The following SH3RF3 variants were observed in gnomAD, a reference collection of about 807,000 sequenced individuals.
SH3RF3 encodes the protein SH3 domain containing ring finger 3, also known as E3 ubiquitin-protein ligase SH3RF3.
A neutral mutation model predicts 66.3 loss-of-function variants in SH3RF3; 29 were observed. The observed-to-expected ratio is 0.44, with a 90% confidence interval of 0.33 to 0.60. The LOEUF (loss-of-function observed/expected upper bound fraction) is 0.60. SH3RF3 is among the 20% of genes least tolerant of loss of function. SH3RF3 has a pLI of 0.04. For missense variants in SH3RF3, 1,194 were observed against 1,190.9 expected (o/e 1.00, Z -0.04); for synonymous variants, 583 against 532.0 (o/e 1.10, Z -1.32).
chr2:109,194,155 C>T (rs1352285123), intron 1 of SH3RF3, among the ~76,000 whole-genome samples: 1 of 152,234 alleles, frequency 6.6e-6, no homozygotes, highest in Non-Finnish European at 1.5e-5. Flanking sequence ...CACATGTGTC[C>T]AAGCCCTTCC....
At chr2:109,440,774 C>T (rs1485489310) in intron 7 of SH3RF3, among the ~76,000 whole-genome samples, 2 of 152,116 alleles carry the variant, frequency 1.3e-5, no homozygotes, top group Non-Finnish European at 2.9e-5. Context: ...GAGGAGAGAA[C>T]AGCACAGAGA....
At chr2:109,182,012 T>A (rs1328795034) in intron 1 of SH3RF3, among the ~76,000 whole-genome samples, 1 of 152,202 alleles carries the variant, frequency 6.6e-6, no homozygotes, top group Non-Finnish European at 1.5e-5. Context: ...AGCCTGATTT[T>A]GAACTTCAAA....
chr2:109,389,049 T>C (rs1559056555), intron 3 of SH3RF3, among the ~76,000 whole-genome samples: 1 of 152,186 alleles, frequency 6.6e-6, no homozygotes, highest in African/African-American at 2.4e-5. Flanking sequence ...TGCAGCATCA[T>C]AGGCCCAAGG....
intron 1 of SH3RF3, among the ~76,000 whole-genome samples, chr2:109,188,402 G>A (rs1297018461): frequency 1.3e-5 from 2 of 152,218 alleles, no homozygotes; most frequent in East Asian, 1.9e-4. Context: ...GCTGCTCAGC[G>A]GGGTCTGGGA....
intron 1 of SH3RF3, among the ~76,000 whole-genome samples, chr2:109,255,184 C>T: frequency 6.6e-6 from 1 of 152,082 alleles, no homozygotes; most frequent in East Asian, 1.9e-4. Context: ...GTGTGTGTGG[C>T]ATTTCACTTT....
intron 4 of SH3RF3, among the ~76,000 whole-genome samples, chr2:109,405,115 A>G (rs1237203152): frequency 6.7e-6 from 1 of 149,008 alleles, no homozygotes; most frequent in Non-Finnish European, 1.5e-5. Context: ...CACCCTCTCC[A>G]GAACCCCAGC....
At chr2:109,389,520 A>G (rs1675923169) in intron 3 of SH3RF3, among the ~76,000 whole-genome samples, 1 of 152,190 alleles carries the variant, frequency 6.6e-6, no homozygotes, top group Non-Finnish European at 1.5e-5. Flanking sequence ...TCCGTTTCTT[A>G]AAAAGGCCGG....
At chr2:109,256,907 T>C (rs1215008280) in intron 1 of SH3RF3, among the ~76,000 whole-genome samples, 1 of 152,202 alleles carries the variant, frequency 6.6e-6, no homozygotes, top group Non-Finnish European at 1.5e-5. Context: ...CATTTTTATG[T>C]GTTTTTCATG....
At chr2:109,155,779 G>A (rs1005437817) in intron 1 of SH3RF3, among the ~76,000 whole-genome samples, 1 of 152,216 alleles carries the variant, frequency 6.6e-6, no homozygotes, top group East Asian at 1.9e-4. Context: ...CATAGCACAC[G>A]TGCTGGTGTG....
intron 1 of SH3RF3, among the ~76,000 whole-genome samples, chr2:109,177,558 G>C (rs997157156): frequency 6.6e-6 from 1 of 151,996 alleles, no homozygotes; most frequent in South Asian, 2.1e-4. Context: ...CTGGGGGGGG[G>C]CACCATTCCT....
At chr2:109,301,779 G>A (rs763093568) in intron 1 of SH3RF3, among the ~76,000 whole-genome samples, 21 of 152,194 alleles carry the variant, frequency 1.4e-4, no homozygotes, top group Non-Finnish European at 2.2e-4. Context: ...TCCTTTTTGG[G>A]TGGGTTGCCC....
chr2:109,424,456 T>C (rs538328911), intron 5 of SH3RF3, among the ~76,000 whole-genome samples: 146 of 149,844 alleles, frequency 9.7e-4, no homozygotes, highest in Admixed American at 4.0e-3. Flanking sequence ...CACTTCACTT[T>C]GTTGTGCCTC....
At chr2:109,458,987 A>G (rs1203393745) in intron 8 of SH3RF3, among the ~76,000 whole-genome samples, 1 of 152,152 alleles carries the variant, frequency 6.6e-6, no homozygotes, top group Non-Finnish European at 1.5e-5. Context: ...AACTATACTT[A>G]GTTTCCACAT....
chr2:109,333,607 T>C (rs1017840636), intron 1 of SH3RF3, among the ~76,000 whole-genome samples: 2 of 152,204 alleles, frequency 1.3e-5, no homozygotes, highest in Non-Finnish European at 2.9e-5. Flanking sequence ...CAGAGTTGAA[T>C]AGTTACAGCT....
intron 1 of SH3RF3, among the ~76,000 whole-genome samples, chr2:109,186,993 G>A (rs567665774): frequency 3.5e-4 from 54 of 152,174 alleles, no homozygotes; most frequent in Non-Finnish European, 6.5e-4. Flanking sequence ...AAGTTTGCTC[G>A]TCTCCCAGAG....
At chr2:109,324,115 G>A (rs911868079) in intron 1 of SH3RF3, among the ~76,000 whole-genome samples, 8 of 152,270 alleles carry the variant, frequency 5.3e-5, no homozygotes, top group Admixed American at 6.5e-5. Flanking sequence ...TTCAAGGTTC[G>A]TCTTGGTTGT....
At chr2:109,189,495 A>G (rs1212275655) in intron 1 of SH3RF3, among the ~76,000 whole-genome samples, 1 of 151,302 alleles carries the variant, frequency 6.6e-6, no homozygotes, top group African/African-American at 2.4e-5. Context: ...CAACCTCCCG[A>G]GTAGCTGGGA....
At chr2:109,316,220 C>T (rs1055110515) in intron 1 of SH3RF3, among the ~76,000 whole-genome samples, 2 of 152,184 alleles carry the variant, frequency 1.3e-5, no homozygotes, top group East Asian at 3.9e-4. Flanking sequence ...GGCTCTTGGG[C>T]TTCATCTCTC....
At position 109,432,521 on chromosome 2, in the gene SH3RF3, A is replaced by T; in HGVS notation, c.1424A>T (p.Tyr475Phe). The T allele has an allele frequency of 6.2e-7, 1 of 1,613,556 alleles. No individual in the cohort carries two copies. Among genetic ancestry groups the T allele is most frequent in the South Asian group, 1.1e-5 (1 of 90,916 alleles). The change falls in exon 6 of 10, where the codon TAC (tyrosine) becomes TTC (phenylalanine). Residue 475 changes from tyrosine (Y) to phenylalanine (F), a missense_variant. Physicochemically the swap from Tyr to Phe is conservative, Grantham distance 22. Coordinates refer to ENST00000309415, the MANE Select transcript of SH3RF3 (RefSeq NM_001099289.3). Reference sequence around the variant, plus strand: ...CGCAGGTACCTGGCGCTCTACGCCTACAAGCCCCAGAAGAGTGACGAGCTG... The same window carrying T: ...CGCAGGTACCTGGCGCTCTACGCCTTCAAGCCCCAGAAGAGTGACGAGCTG... ...PLNVYLALYA[Y>F]KPQKSDELEL...
Sources: gnomAD v4.1 joint callset for allele counts (sites outside exome capture counted in the v4.1 genomes callset) on GRCh38, gnomAD v4.1.1 for gene constraint, MANE v1.5 for transcripts, NCBI Gene and HGNC (gene_info 2026-07-23, HGNC 2026-07-21) for gene names.